Variants in REDIC1 observed in about 807,000 individuals in gnomAD.
REDIC1 encodes the protein HEI10 Interacting Protein 1.
the REDIC1 span, chr12:39,683,136 A>G: frequency 3.1e-6 from 5 of 1,593,936 alleles, no homozygotes; most frequent in Non-Finnish European, 3.4e-6. Context: ...GCTCTGAAAG[A>G]AAAGGTTGGT....
chr12:39,872,001 C>A, the REDIC1 span: 1 of 1,458,724 alleles, frequency 6.9e-7, no homozygotes, highest in Non-Finnish European at 9.1e-7. Flanking sequence ...TTGATAGTTA[C>A]CCAAAGAAAC....
chr12:39,733,947 G>A, the REDIC1 span, among the ~76,000 whole-genome samples: 1 of 152,116 alleles, frequency 6.6e-6, no homozygotes, highest in Non-Finnish European at 1.5e-5. Context: ...CGCTACTGGG[G>A]TATGAAAAAA....
chr12:39,646,593 A>G, the REDIC1 span: 65 of 833,800 alleles, frequency 7.8e-5, no homozygotes, highest in Non-Finnish European at 1.1e-4. Flanking sequence ...TAACAGTATT[A>G]TGCAATGATT....
the REDIC1 span, among the ~76,000 whole-genome samples, chr12:39,633,877 T>G: frequency 6.6e-6 from 1 of 152,226 alleles, no homozygotes; most frequent in East Asian, 1.9e-4. Flanking sequence ...TTTCTTCTTG[T>G]CAGCAATTAC....
the REDIC1 span, among the ~76,000 whole-genome samples, chr12:39,824,199 C>G: frequency 2.6e-5 from 4 of 152,292 alleles, no homozygotes; most frequent in East Asian, 1.9e-4. Context: ...ATAAACTATA[C>G]AGGTATCATT....
At chr12:39,723,651 T>C in the REDIC1 span, among the ~76,000 whole-genome samples, 1 of 152,108 alleles carries the variant, frequency 6.6e-6, no homozygotes, top group Non-Finnish European at 1.5e-5. Flanking sequence ...GAAAATTTAA[T>C]GATTCTGCAC....
chr12:39,847,751 C>G, the REDIC1 span, among the ~76,000 whole-genome samples: 1 of 151,958 alleles, frequency 6.6e-6, no homozygotes, highest in Non-Finnish European at 1.5e-5. Flanking sequence ...ATTTTGGGTT[C>G]TTCTGTAATA....
the REDIC1 span, among the ~76,000 whole-genome samples, chr12:39,882,064 T>A: frequency 1.3e-5 from 2 of 152,196 alleles, no homozygotes; most frequent in East Asian, 3.8e-4. Flanking sequence ...ACTGACATAA[T>A]ATGTCACTCT....
At chr12:39,787,569 T>A in the REDIC1 span, among the ~76,000 whole-genome samples, 1 of 152,176 alleles carries the variant, frequency 6.6e-6, no homozygotes, top group African/African-American at 2.4e-5. Context: ...TTTGATATAC[T>A]TTTTTGGCTT....
At chr12:39,664,217 C>G in the REDIC1 span, among the ~76,000 whole-genome samples, 1 of 150,562 alleles carries the variant, frequency 6.6e-6, no homozygotes, top group East Asian at 1.9e-4. Context: ...TAATGCTATC[C>G]CTATACCCTC....
At chr12:39,818,220 T>G in the REDIC1 span, among the ~76,000 whole-genome samples, 1 of 151,824 alleles carries the variant, frequency 6.6e-6, no homozygotes. Flanking sequence ...ATTCCCCCAG[T>G]CATGTACATC....
the REDIC1 span, among the ~76,000 whole-genome samples, chr12:39,872,674 C>T: frequency 1.3e-5 from 2 of 152,164 alleles, no homozygotes; most frequent in Non-Finnish European, 2.9e-5. Flanking sequence ...ATATGTCTGG[C>T]ACATTTAAGG....
the REDIC1 span, chr12:39,829,997 G>A: frequency 7.3e-7 from 1 of 1,367,668 alleles, no homozygotes; most frequent in Non-Finnish European, 1.0e-6. Context: ...TAGTTATGAA[G>A]GCCAGTTTAA....
At chr12:39,723,139 A>G in the REDIC1 span, among the ~76,000 whole-genome samples, 4 of 152,140 alleles carry the variant, frequency 2.6e-5, no homozygotes, top group African/African-American at 9.7e-5. Flanking sequence ...TCCATGAGAG[A>G]GGATGACTGA....
the REDIC1 span, among the ~76,000 whole-genome samples, chr12:39,894,166 C>A: frequency 2.0e-5 from 3 of 152,282 alleles, no homozygotes; most frequent in Middle Eastern, 3.4e-3. Flanking sequence ...AGTAACAGCT[C>A]AATGAACTAA....
chr12:39,762,267 G>T, the REDIC1 span, among the ~76,000 whole-genome samples: 1 of 152,112 alleles, frequency 6.6e-6, no homozygotes, highest in East Asian at 1.9e-4. Flanking sequence ...GAGTGAAAAT[G>T]GCAAGAAAAA....
chr12:39,676,004 A>G, the REDIC1 span, among the ~76,000 whole-genome samples: 1 of 152,154 alleles, frequency 6.6e-6, no homozygotes, highest in African/African-American at 2.4e-5. Context: ...ATGAGAAGGA[A>G]CCAGAAAAGT....
the REDIC1 span, chr12:39,643,882 T>C: frequency 1.2e-4 from 192 of 1,566,722 alleles, 2 homozygotes; most frequent in African/African-American, 2.3e-3. Context: ...AACCTATATA[T>C]GGTAAATCAG....
the REDIC1 span, among the ~76,000 whole-genome samples, chr12:39,695,821 C>A: frequency 6.6e-6 from 1 of 152,126 alleles, no homozygotes; most frequent in Non-Finnish European, 1.5e-5. Flanking sequence ...TGCTGTTTAA[C>A]ATCTGACCAA....
Sources: gnomAD v4.1 joint callset for allele counts (sites outside exome capture counted in the v4.1 genomes callset) on GRCh38, gnomAD v4.1.1 for gene constraint, MANE v1.5 for transcripts, NCBI Gene and HGNC (gene_info 2026-07-23, HGNC 2026-07-21) for gene names.